The following MAGI2 variants were observed in gnomAD, a reference collection of about 807,000 sequenced individuals.
MAGI2 encodes the protein membrane-associated guanylate kinase, WW and PDZ domain-containing protein 2.
MAGI2 carries 35 observed loss-of-function variants against 133.3 expected under a neutral mutation model. The observed-to-expected ratio is 0.26, with a 90% confidence interval of 0.20 to 0.35. MAGI2 has a LOEUF of 0.35. Ranked by LOEUF, MAGI2 falls within the 10% of genes least tolerant of loss-of-function variation. MAGI2 has a pLI of 1.00. For missense variants in MAGI2, 1,636 were observed against 1,863.4 expected (o/e 0.88, Z 2.25); for synonymous variants, 729 against 710.6 (o/e 1.03, Z -0.41).
chr7:78,847,450 A>G (rs1215501768), intron 2 of MAGI2, among the ~76,000 whole-genome samples: 1 of 152,026 alleles, frequency 6.6e-6, no homozygotes, highest in African/African-American at 2.4e-5. Context: ...CTTAATTCAT[A>G]CATGTGTCAA....
chr7:78,798,553 T>A (rs1787803107), intron 2 of MAGI2, among the ~76,000 whole-genome samples: 1 of 152,146 alleles, frequency 6.6e-6, no homozygotes, highest in South Asian at 2.1e-4. Flanking sequence ...TTCTTTTATT[T>A]ATTTTGTTTC....
intron 9 of MAGI2, among the ~76,000 whole-genome samples, chr7:78,333,417 C>T (rs1211136878): frequency 6.6e-6 from 1 of 151,188 alleles, no homozygotes. Context: ...AAATTTTTTG[C>T]TACTTCTCCA....
intron 1 of MAGI2, among the ~76,000 whole-genome samples, chr7:79,058,899 G>A (rs191557085): frequency 6.6e-6 from 1 of 152,202 alleles, no homozygotes; most frequent in African/African-American, 2.4e-5. Context: ...CTTATGAGTA[G>A]ATAAGGGACA....
At chr7:78,037,778 G>C (rs950448601) in intron 21 of MAGI2, among the ~76,000 whole-genome samples, 5 of 152,222 alleles carry the variant, frequency 3.3e-5, no homozygotes, top group African/African-American at 9.6e-5. Context: ...ACCCCAGGGA[G>C]GGGGAGCCAA....
chr7:79,286,187 C>T (rs1022062824), intron 1 of MAGI2, among the ~76,000 whole-genome samples: 50 of 151,890 alleles, frequency 3.3e-4, no homozygotes, highest in African/African-American at 1.1e-3. Flanking sequence ...TCAGATGTGG[C>T]TTGTGTTAGG....
chr7:78,965,949 A>G (rs1584523369), intron 2 of MAGI2, among the ~76,000 whole-genome samples: 1 of 152,080 alleles, frequency 6.6e-6, no homozygotes, highest in East Asian at 2.0e-4. Context: ...CCTTTGTTTT[A>G]CAGATGAAGA....
At chr7:78,908,292 C>T (rs746819188) in intron 2 of MAGI2, among the ~76,000 whole-genome samples, 2 of 152,182 alleles carry the variant, frequency 1.3e-5, no homozygotes, top group Non-Finnish European at 2.9e-5. Context: ...AGAACTATGA[C>T]ACCAAAGTCT....
chr7:78,581,183 A>G (rs1409615699), intron 3 of MAGI2, among the ~76,000 whole-genome samples: 1 of 152,194 alleles, frequency 6.6e-6, no homozygotes, highest in Non-Finnish European at 1.5e-5. Flanking sequence ...TCTGAGGAAG[A>G]GCTGCAGGCC....
At chr7:79,100,138 ATAAAT>A (rs1817850883) in intron 1 of MAGI2, among the ~76,000 whole-genome samples, 1 of 152,118 alleles carries the variant, frequency 6.6e-6, no homozygotes, top group South Asian at 2.1e-4. Flanking sequence ...CCCTTTTGTT[ATAAAT>A]TAAAGTTGCT....
intron 2 of MAGI2, among the ~76,000 whole-genome samples, chr7:78,724,533 T>C (rs1360823130): frequency 2.0e-5 from 3 of 152,018 alleles, no homozygotes; most frequent in African/African-American, 4.8e-5. Flanking sequence ...TGTCTCACAA[T>C]TTGCATTAAA....
At chr7:78,521,051 AAC>A (rs1796453325) in intron 4 of MAGI2, among the ~76,000 whole-genome samples, 1 of 152,190 alleles carries the variant, frequency 6.6e-6, no homozygotes, top group African/African-American at 2.4e-5. Context: ...AATATTAATT[AAC>A]AGAGAGCTCA....
rs1335374024 is a variant in MAGI2 at position 78,381,482 on chromosome 7, C to T, written c.1046-12269G>A. ...ACTACATAAAAACAGAAAAGAATAT[C>T]TTCTATAGCTCAAAATACCATAACT... On this transcript the variant is annotated intron_variant, in intron 6 of 21. Coordinates refer to ENST00000354212, the MANE Select transcript of MAGI2 (RefSeq NM_012301.4). Among the ~76,000 whole-genome samples, 3 of 152,072 alleles carry T rather than the reference C, an allele frequency of 2.0e-5. No individual in the cohort carries two copies. In the East Asian group the frequency reaches 5.8e-4, roughly 29 times the overall value.
intron 1 of MAGI2, among the ~76,000 whole-genome samples, chr7:79,301,364 C>G (rs535838925): frequency 6.6e-6 from 1 of 152,238 alleles, no homozygotes; most frequent in Non-Finnish European, 1.5e-5. Context: ...GAAGCTCACT[C>G]TTTGCACCAA....
chr7:78,118,569 A>G (rs1820105949), intron 20 of MAGI2, among the ~76,000 whole-genome samples: 1 of 152,230 alleles, frequency 6.6e-6, no homozygotes, highest in Non-Finnish European at 1.5e-5. Flanking sequence ...ACCAAAGAAG[A>G]TATACATATG....
At chr7:78,594,980 T>C (rs1804443146) in intron 3 of MAGI2, among the ~76,000 whole-genome samples, 2 of 152,198 alleles carry the variant, frequency 1.3e-5, no homozygotes, top group African/African-American at 4.8e-5. Flanking sequence ...CACACAGACA[T>C]ATAGCTTAGA....
At chr7:79,325,786 T>C (rs1440313962) in intron 1 of MAGI2, among the ~76,000 whole-genome samples, 2 of 152,190 alleles carry the variant, frequency 1.3e-5, no homozygotes, top group South Asian at 2.1e-4. Context: ...CAAATACGCA[T>C]TCACAAGGAA....
chr7:79,084,884 C>A (rs1816349390), intron 1 of MAGI2, among the ~76,000 whole-genome samples: 2 of 151,680 alleles, frequency 1.3e-5, no homozygotes, highest in Non-Finnish European at 3.0e-5. Context: ...GAACACTAAA[C>A]ATTTCTTCTC....
At chr7:78,280,682 G>A (rs1287490730) in intron 9 of MAGI2, among the ~76,000 whole-genome samples, 1 of 151,962 alleles carries the variant, frequency 6.6e-6, no homozygotes, top group East Asian at 1.9e-4. Flanking sequence ...AGGAGTAAGT[G>A]GTGGAGCCAG....
At chr7:78,765,307 A>G (rs1824902894) in intron 2 of MAGI2, among the ~76,000 whole-genome samples, 1 of 135,568 alleles carries the variant, frequency 7.4e-6, no homozygotes, top group Non-Finnish European at 1.6e-5. Context: ...TCATTTATTC[A>G]TTCAGTCAGT....
Sources: allele counts gnomAD v4.1 joint callset (sites outside exome capture counted in the v4.1 genomes callset), GRCh38; gene constraint gnomAD v4.1.1; transcripts MANE v1.5; gene names NCBI Gene and HGNC (gene_info 2026-07-23, HGNC 2026-07-21).